NTSR1: variants seen among roughly 807,000 people sequenced by gnomAD.
NTSR1 encodes the protein neurotensin receptor type 1.
A neutral mutation model predicts 31.2 loss-of-function variants in NTSR1; 29 were observed. The ratio of observed to expected loss-of-function variants is 0.93; its 90% CI spans 0.69 to 1.27. The LOEUF is 1.27. Among genes scored for constraint, NTSR1 ranks in the 50% most tolerant of loss-of-function variants. NTSR1 has a pLI of 0.00. For missense variants in NTSR1, 697 were observed against 595.4 expected (o/e 1.17, Z -1.78); for synonymous variants, 282 against 269.9 (o/e 1.04, Z -0.44).
chr20:62,746,328 C>T (rs1395045276), intron 1 of NTSR1, among the ~76,000 whole-genome samples: 1 of 152,152 alleles, frequency 6.6e-6, no homozygotes, highest in Non-Finnish European at 1.5e-5. Flanking sequence ...GAGGCCTTCC[C>T]GGAACCCCCA....
chr20:62,734,138 C>T (rs1469455760), intron 1 of NTSR1, among the ~76,000 whole-genome samples: 1 of 152,124 alleles, frequency 6.6e-6, no homozygotes, highest in East Asian at 1.9e-4. Context: ...GTCCCCTGCG[C>T]AGCCTCCTTC....
chr20:62,737,855 GTCCTCC>G (rs1989125694), intron 1 of NTSR1, among the ~76,000 whole-genome samples: 1 of 109,422 alleles, frequency 9.1e-6, no homozygotes, highest in African/African-American at 3.6e-5. Flanking sequence ...CCTGCCCCCG[GTCCTCC>G]CCACCCCCCA....
intron 1 of NTSR1, among the ~76,000 whole-genome samples, chr20:62,730,742 C>G (rs2147138295): frequency 6.6e-6 from 1 of 152,218 alleles, no homozygotes; most frequent in Non-Finnish European, 1.5e-5. Context: ...GCAGCCTTGC[C>G]AGCGTTTGGT....
At chr20:62,748,682 A>G (rs1025391414) in intron 1 of NTSR1, among the ~76,000 whole-genome samples, 3 of 152,200 alleles carry the variant, frequency 2.0e-5, no homozygotes, top group African/African-American at 7.2e-5. Context: ...AAATCTTATT[A>G]AAACTTCATC....
At chr20:62,726,125 G>T (rs1005068110) in intron 1 of NTSR1, among the ~76,000 whole-genome samples, 4 of 152,154 alleles carry the variant, frequency 2.6e-5, no homozygotes, top group African/African-American at 9.7e-5. Context: ...CTCCATTCCA[G>T]CCCGAGGGGT....
chr20:62,709,924 G>A lies in NTSR1; in HGVS notation c.714+3G>A, dbSNP rs1988574423. On this transcript the variant is annotated splice_donor_region_variant and intron_variant, in intron 1 of 3. Coordinates refer to ENST00000370501, the MANE Select transcript of NTSR1 (RefSeq NM_002531.3). ...CCACCGTCAAGGTCGTCATACAGGT[G>A]AGCCTCAGTAACCAGCCCCGGGGCT... 1.3e-6 allele frequency: 2 copies of A among 1,579,738 alleles called. No homozygotes were observed. Among genetic ancestry groups the A allele is most frequent in the Non-Finnish European group, 1.7e-6 (2 of 1,159,540 alleles).
intron 1 of NTSR1, among the ~76,000 whole-genome samples, chr20:62,722,517 C>A (rs1988840552): frequency 6.6e-6 from 1 of 152,214 alleles, no homozygotes; most frequent in Non-Finnish European, 1.5e-5. Context: ...CCGGTGTAGG[C>A]TTCTGAGGAC....
rs565546068 is a variant in NTSR1 at position 62,753,155 on chromosome 20, G to C, written c.715-1530G>C. Among the ~76,000 whole-genome samples the C allele has an allele frequency of 7.2e-5, 11 of 152,334 alleles. No individual in the cohort carries two copies. In the East Asian group the frequency reaches 1.7e-3, roughly 24 times the overall value. ...AACTCAGGCCGCCTCCTTCCTGAAG[G>C]CCTCTGAGTGCTTCTGAGTGGAGCC... On this transcript the variant is annotated intron_variant, in intron 1 of 3. Coordinates refer to ENST00000370501, the MANE Select transcript of NTSR1 (RefSeq NM_002531.3).
At position 62,733,172 on chromosome 20, in the gene NTSR1, C is replaced by T. The variant is rs1015164477; in HGVS notation, c.715-21513C>T. The stretch of plus-strand genomic sequence containing the variant: ...CATCGGCAGTGTGTAGACGTTCTTT[C>T]GGAAGAAGATCTGTCAGAGAAAATG... On this transcript the variant is annotated intron_variant, in intron 1 of 3. Coordinates refer to ENST00000370501, the MANE Select transcript of NTSR1 (RefSeq NM_002531.3). The surrounding 1 kb of genome is among the most constrained non-coding windows in gnomAD (Gnocchi z 5.2). 4 of 151,858 alleles carry T rather than the reference C, an allele frequency of 2.6e-5. No individual in the cohort carries two copies. The highest frequency in any genetic ancestry group is 2.6e-4 in the Admixed American group (4 of 15,244). 9.4% of individuals were successfully genotyped at this position (151,858 alleles called of 1,614,324 possible).
At chr20:62,747,486 T>C (rs548660828) in intron 1 of NTSR1, among the ~76,000 whole-genome samples, 16 of 133,414 alleles carry the variant, frequency 1.2e-4, no homozygotes, top group African/African-American at 5.0e-4. Context: ...AGGCCACGTA[T>C]GACAGTCCCA....
chr20:62,752,264 T>A (rs781050432), intron 1 of NTSR1, among the ~76,000 whole-genome samples: 1 of 152,126 alleles, frequency 6.6e-6, no homozygotes, highest in Non-Finnish European at 1.5e-5. Context: ...ATGGACGTGC[T>A]CCCTTTGCTT....
intron 1 of NTSR1, among the ~76,000 whole-genome samples, chr20:62,727,608 G>A (rs1988931233): frequency 2.0e-5 from 3 of 152,366 alleles, no homozygotes; most frequent in East Asian, 1.9e-4. Context: ...TGACTGAGGG[G>A]ATAGCACAGA....
chr20:62,710,962 C>T (rs1988599692), intron 1 of NTSR1, among the ~76,000 whole-genome samples: 1 of 152,100 alleles, frequency 6.6e-6, no homozygotes, highest in Non-Finnish European at 1.5e-5. Context: ...GCTGGCTGTC[C>T]CCCCAACTCC....
rs1333407215 is a variant in NTSR1, at chr20:62,742,945, C to T, written c.715-11740C>T. On this transcript the variant is annotated intron_variant, in intron 1 of 3. Transcript: ENST00000370501. The surrounding 1 kb of genome is among the most constrained non-coding windows in gnomAD (Gnocchi z 7.1). ...GGGCACCTGTCACGGGACATACCCACAGCACAGGCAAGTGGAACGTTCTCT... is the reference window on the plus strand; with the variant it reads ...GGGCACCTGTCACGGGACATACCCATAGCACAGGCAAGTGGAACGTTCTCT... 6.7e-6 allele frequency among the ~76,000 whole-genome samples: 1 copy of T among 149,626 alleles called. No homozygotes were observed.
At position 62,709,821 on chromosome 20, in the gene NTSR1, T is replaced by A; in HGVS notation, c.614T>A (p.Phe205Tyr). 2 of 1,612,488 alleles carry A rather than the reference T, an allele frequency of 1.2e-6. No individual in the cohort carries two copies. The highest frequency in any genetic ancestry group is 4.5e-5 in the East Asian group (2 of 44,852). ...ASALLAVPML[F>Y]TMGEQNRSAD... ...GCCCTGCTGGCGGTGCCTATGCTGT[T>A]CACCATGGGCGAGCAGAACCGCAGC... Residue 205 changes from phenylalanine to tyrosine, a missense_variant, in exon 1 of 4, where the codon TTC (phenylalanine) becomes TAC (tyrosine). Transcript: ENST00000370501.
At chr20:62,738,318 A>G (rs1280587245) in intron 1 of NTSR1, among the ~76,000 whole-genome samples, 1 of 152,252 alleles carries the variant, frequency 6.6e-6, no homozygotes, top group African/African-American at 2.4e-5. Context: ...GAACATTCCA[A>G]GAAGAGTCAG....
At chr20:62,729,435 G>A (rs1198770263) in intron 1 of NTSR1, among the ~76,000 whole-genome samples, 2 of 152,178 alleles carry the variant, frequency 1.3e-5, no homozygotes, top group African/African-American at 2.4e-5. Context: ...TGTGGTGCAG[G>A]TGATGGATGG....
Position 62,716,826 on chromosome 20 carries a change from G to A in NTSR1, c.714+6905G>A, listed in dbSNP as rs1397080429. ...GCACGAGGCTAGCTCTGCAAGGGGG[G>A]CACGGAGGGGAATAGAGATCCTGGT... On this transcript the variant is annotated intron_variant, in intron 1 of 3. Coordinates refer to ENST00000370501, the MANE Select transcript of NTSR1 (RefSeq NM_002531.3). Among the ~76,000 whole-genome samples, 4 of 152,234 alleles carry A rather than the reference G, an allele frequency of 2.6e-5. No homozygotes were observed. In the East Asian group the frequency reaches 7.7e-4, roughly 29 times the overall value.
At chr20:62,725,948 C>T (rs963428698) in intron 1 of NTSR1, among the ~76,000 whole-genome samples, 1 of 152,130 alleles carries the variant, frequency 6.6e-6, no homozygotes, top group Admixed American at 6.5e-5. Flanking sequence ...GGTGGCTCTG[C>T]CCTGTACCCT....
Sources: allele counts gnomAD v4.1 joint callset (sites outside exome capture counted in the v4.1 genomes callset), GRCh38; gene constraint gnomAD v4.1.1; non-coding constraint Gnocchi (gnomAD v3.1); transcripts MANE v1.5; gene names NCBI Gene and HGNC (gene_info 2026-07-23, HGNC 2026-07-21).